The following SLC10A7 variants were observed in gnomAD, a reference collection of about 807,000 sequenced individuals.
SLC10A7 encodes solute carrier family 10 member 7, also known as sodium/bile acid cotransporter 7.
A neutral mutation model predicts 43.2 loss-of-function variants in SLC10A7; 29 were observed. That is an observed-to-expected ratio of 0.67 (90% CI 0.50 to 0.92). The LOEUF (loss-of-function observed/expected upper bound fraction) is 0.92. SLC10A7 is among the 40% of genes least tolerant of loss of function. The pLI is 0.00. For synonymous variants in SLC10A7, 152 were observed against 144.8 expected, an observed-to-expected ratio of 1.05 and a Z score of -0.35; for missense variants, 295 against 403.2, an observed-to-expected ratio of 0.73 and a Z score of 2.30.
At chr4:146,452,085 G>A (rs1010226558) in intron 4 of SLC10A7, among the ~76,000 whole-genome samples, 2 of 151,810 alleles carry the variant, frequency 1.3e-5, no homozygotes, top group African/African-American at 2.4e-5. Context: ...CCTAAACAAG[G>A]AAAAAATAAT....
intron 3 of SLC10A7, among the ~76,000 whole-genome samples, chr4:146,509,563 C>T (rs1737258297): frequency 6.6e-6 from 1 of 152,192 alleles, no homozygotes; most frequent in Admixed American, 6.5e-5. Context: ...TTCTAAAACA[C>T]ACATTATACT....
chr4:146,258,328 A>G, intron 11 of SLC10A7, among the ~76,000 whole-genome samples: 1 of 152,230 alleles, frequency 6.6e-6, no homozygotes. Flanking sequence ...ATGTGAAGTA[A>G]GACATAGATG....
intron 4 of SLC10A7, among the ~76,000 whole-genome samples, chr4:146,480,170 T>C (rs913422689): frequency 6.6e-6 from 1 of 152,138 alleles, no homozygotes; most frequent in Non-Finnish European, 1.5e-5. Context: ...GTTATTAATA[T>C]AACTATTAAG....
chr4:146,334,313 ATAAGT>A (rs2149717479), intron 5 of SLC10A7, among the ~76,000 whole-genome samples: 1 of 152,250 alleles, frequency 6.6e-6, no homozygotes, highest in South Asian at 2.1e-4. Context: ...GCTACAGAAA[ATAAGT>A]TAAGAAATGT....
chr4:146,359,192 A>G (rs1009732213), intron 5 of SLC10A7, among the ~76,000 whole-genome samples: 6 of 152,262 alleles, frequency 3.9e-5, no homozygotes, highest in South Asian at 4.1e-4. Flanking sequence ...TGAAGTACCT[A>G]TTCAAATCCT....
At chr4:146,286,059 T>C (rs1460255169) in intron 9 of SLC10A7, among the ~76,000 whole-genome samples, 7 of 148,002 alleles carry the variant, frequency 4.7e-5, no homozygotes, top group Non-Finnish European at 7.5e-5. Context: ...TGAAAAGGAC[T>C]GTGTTTGGAG....
intron 5 of SLC10A7, among the ~76,000 whole-genome samples, chr4:146,395,539 T>A (rs1368537407): frequency 6.6e-6 from 1 of 152,218 alleles, no homozygotes; most frequent in East Asian, 1.9e-4. Context: ...TCCCCAGCAC[T>A]TTTCATATTG....
intron 6 of SLC10A7, among the ~76,000 whole-genome samples, chr4:146,308,783 C>A (rs1347162168): frequency 6.6e-6 from 1 of 152,140 alleles, no homozygotes; most frequent in African/African-American, 2.4e-5. Flanking sequence ...TAATTTCTTG[C>A]AGAAATATGT....
intron 5 of SLC10A7, among the ~76,000 whole-genome samples, chr4:146,358,651 G>A (rs1735829019): frequency 2.0e-5 from 3 of 152,048 alleles, no homozygotes; most frequent in African/African-American, 7.2e-5. Flanking sequence ...CTTTTACTTA[G>A]TATTATTAAT....
intron 6 of SLC10A7, among the ~76,000 whole-genome samples, chr4:146,314,341 C>G (rs1334739262): frequency 6.6e-6 from 1 of 152,118 alleles, no homozygotes; most frequent in Non-Finnish European, 1.5e-5. Flanking sequence ...ATTGGAGAGA[C>G]AGTCAGATCA....
At position 146,458,433 on chromosome 4, in the gene SLC10A7, A is replaced by G. The variant is rs1408909674; in HGVS notation, c.397-15612T>C. On this transcript the variant is annotated intron_variant, in intron 4 of 11. Coordinates refer to ENST00000335472, the MANE Select transcript of SLC10A7 (RefSeq NM_001029998.6). The stretch of plus-strand genomic sequence containing the variant: ...GATGTCTATTCTTATTACTACGTCT[A>G]TCCAATCTTGGCCTTGTCAAAGTAA... Among the ~76,000 whole-genome samples, 6 of 151,798 alleles carry G rather than the reference A, an allele frequency of 4.0e-5. No individual in the cohort carries two copies. In the East Asian group the frequency reaches 1.2e-3, roughly 29 times the overall value.
intron 10 of SLC10A7, among the ~76,000 whole-genome samples, chr4:146,271,927 C>T (rs1484548297): frequency 6.6e-6 from 1 of 152,196 alleles, no homozygotes; most frequent in Non-Finnish European, 1.5e-5. Flanking sequence ...AAGGCTGAAA[C>T]CTTCTCATCT....
chr4:146,330,624 T>C (rs747743776), intron 5 of SLC10A7, among the ~76,000 whole-genome samples: 27 of 152,324 alleles, frequency 1.8e-4, no homozygotes, highest in Non-Finnish European at 2.9e-4. Context: ...TAATTAAGTT[T>C]TGGGGAAGTC....
intron 2 of SLC10A7, chr4:146,514,080 CT>C (rs1274711399): frequency 6.6e-6 from 1 of 152,238 alleles, no homozygotes; most frequent in Non-Finnish European, 1.5e-5. Context: ...ACCGATTTCT[CT>C]TGTAACCCTT....
At chr4:146,319,158 T>A (rs1434855638) in intron 6 of SLC10A7, among the ~76,000 whole-genome samples, 1 of 152,122 alleles carries the variant, frequency 6.6e-6, no homozygotes, top group Non-Finnish European at 1.5e-5. Flanking sequence ...CAAAGGACTT[T>A]AAGGTCCTAA....
intron 5 of SLC10A7, among the ~76,000 whole-genome samples, chr4:146,437,232 A>G (rs1730283968): frequency 6.6e-6 from 1 of 152,078 alleles, no homozygotes; most frequent in Admixed American, 6.6e-5. Context: ...GTTCTCAGCA[A>G]TCCAGCTTTT....
chr4:146,473,419 T>TATCA (rs1356235123), intron 4 of SLC10A7, among the ~76,000 whole-genome samples: 1 of 152,186 alleles, frequency 6.6e-6, no homozygotes, highest in East Asian at 1.9e-4. Context: ...CTACAATATA[T>TATCA]ATCAAGTAAG....
intron 4 of SLC10A7, among the ~76,000 whole-genome samples, chr4:146,444,236 C>G (rs1160779558): frequency 1.3e-5 from 2 of 152,120 alleles, no homozygotes; most frequent in Non-Finnish European, 2.9e-5. Context: ...AAAAATGTAC[C>G]TTTCCCACAA....
chr4:146,315,798 A>G (rs1008106500), intron 6 of SLC10A7, among the ~76,000 whole-genome samples: 3 of 152,134 alleles, frequency 2.0e-5, no homozygotes, highest in Non-Finnish European at 4.4e-5. Context: ...ATTTTGCTTA[A>G]GATTATTAAA....
Sources: gnomAD v4.1 joint callset for allele counts (sites outside exome capture counted in the v4.1 genomes callset) on GRCh38, gnomAD v4.1.1 for gene constraint, MANE v1.5 for transcripts, NCBI Gene and HGNC (gene_info 2026-07-23, HGNC 2026-07-21) for gene names.